Variants in MSH3 observed in about 807,000 individuals in gnomAD.
MSH3 encodes the protein mutS homolog 3.
In MSH3, 106 loss-of-function variants were observed where a neutral mutation model predicts 123.3. The observed-to-expected ratio is 0.86, with a 90% CI of 0.73 to 1.01. MSH3 has a LOEUF of 1.01. Among genes scored for constraint, MSH3 ranks in the 50% least tolerant of loss-of-function variants. MSH3 has a pLI of 0.00. For synonymous variants in MSH3, 515 were observed against 481.4 expected (o/e 1.07, Z -0.91); for missense variants, 1,459 against 1,347.6 (o/e 1.08, Z -1.29).
intron 8 of MSH3, among the ~76,000 whole-genome samples, chr5:80,712,644 A>G (rs1750882045): frequency 6.6e-6 from 1 of 152,026 alleles, no homozygotes; most frequent in South Asian, 2.1e-4. Flanking sequence ...TTCTTTTAAT[A>G]GGTGAATTTA....
chr5:80,668,832 A>G (rs1749629870), intron 3 of MSH3, among the ~76,000 whole-genome samples: 1 of 152,154 alleles, frequency 6.6e-6, no homozygotes, highest in Admixed American at 6.5e-5. Flanking sequence ...GTTTGCAGCC[A>G]CAACTGGGCA....
chr5:80,828,675 A>C (rs913843968), intron 20 of MSH3, among the ~76,000 whole-genome samples: 2 of 152,236 alleles, frequency 1.3e-5, no homozygotes, highest in Non-Finnish European at 2.9e-5. Flanking sequence ...ATGGTGGGAC[A>C]GGTGTAAGAC....
chr5:80,789,893 T>C (rs1328976269), intron 18 of MSH3, among the ~76,000 whole-genome samples: 1 of 152,118 alleles, frequency 6.6e-6, no homozygotes, highest in African/African-American at 2.4e-5. Context: ...GATGAAAAGA[T>C]GTTCAATCTT....
At chr5:80,840,365 T>C (rs1291287219) in intron 20 of MSH3, among the ~76,000 whole-genome samples, 1 of 152,202 alleles carries the variant, frequency 6.6e-6, no homozygotes, top group Admixed American at 6.5e-5. Context: ...TCCAGCTTTT[T>C]TCACTTCTTC....
At chr5:80,857,755 A>G (rs966608763) in intron 21 of MSH3, among the ~76,000 whole-genome samples, 2 of 152,156 alleles carry the variant, frequency 1.3e-5, no homozygotes, top group Non-Finnish European at 1.5e-5. Context: ...CATTTCTGAT[A>G]TTAGCCATTT....
intron 12 of MSH3, among the ~76,000 whole-genome samples, chr5:80,746,156 A>G (rs920237960): frequency 2.0e-5 from 3 of 152,202 alleles, no homozygotes; most frequent in Non-Finnish European, 4.4e-5. Context: ...TACTATGAGA[A>G]ACTCAGCCAT....
intron 7 of MSH3, among the ~76,000 whole-genome samples, chr5:80,677,996 C>T (rs954157094): frequency 1.3e-5 from 2 of 152,084 alleles, no homozygotes; most frequent in Non-Finnish European, 2.9e-5. Flanking sequence ...CAGAGTATAT[C>T]CTTGGGGGAG....
Position 80,797,262 on chromosome 5 carries a change from G to T in MSH3, c.2655+4418G>T, listed in dbSNP as rs576003971. Among the ~76,000 whole-genome samples the T allele has an allele frequency of 4.6e-5, 7 of 152,068 alleles. No homozygotes were observed. The South Asian group carries it at 1.5e-3, about 32-fold the overall frequency. ...AATTATAATCATTCTTTTTTTATCT[G>T]CCTTTCCCAGTGGACTGTAAGCATG... On this transcript the variant is annotated intron_variant, in intron 19 of 23. Transcript: ENST00000265081.
rs573087291 is a variant in MSH3 at position 80,762,778 on chromosome 5, TTTTTA to T, written c.1896+1112_1896+1116del. On this transcript the variant is annotated intron_variant, in intron 13 of 23. Coordinates refer to ENST00000265081, the MANE Select transcript of MSH3 (RefSeq NM_002439.5). ...TTGTTTTATTTTATTTTATTTTAATTTTTTATTTTATTTTATGTTATGTTATGTTA... is the reference window on the plus strand; with the variant it reads ...TTGTTTTATTTTATTTTATTTTAATTTTTTATTTTATGTTATGTTATGTTA... Among the ~76,000 whole-genome samples, 652 of 128,006 alleles carry T rather than the reference TTTTTA, an allele frequency of 5.1e-3. 2 individuals are homozygous for T. Among genetic ancestry groups the T allele is most frequent in the African/African-American group, 0.018 (601 of 32,846 alleles). The allele number at this position is 128,006 out of a possible 152,430, so 84.0% of individuals were successfully genotyped here. A position where few individuals can be genotyped will look rare whatever the true frequency, so the allele number is the denominator to read the frequency against.
intron 13 of MSH3, among the ~76,000 whole-genome samples, chr5:80,762,205 G>A (rs1028996492): frequency 2.0e-5 from 3 of 151,576 alleles, no homozygotes; most frequent in South Asian, 2.1e-4. Context: ...CATTTTCCAC[G>A]GTTAGGGAAA....
chr5:80,703,021 C>T (rs1313276343), intron 8 of MSH3, among the ~76,000 whole-genome samples: 1 of 152,122 alleles, frequency 6.6e-6, no homozygotes, highest in Non-Finnish European at 1.5e-5. Flanking sequence ...AGCAACAAAA[C>T]AAAAATAAAA....
At chr5:80,755,406 A>G (rs1055954331) in intron 12 of MSH3, among the ~76,000 whole-genome samples, 2 of 152,168 alleles carry the variant, frequency 1.3e-5, no homozygotes, top group Admixed American at 6.6e-5. Flanking sequence ...GAATGAGGAG[A>G]AGGAAATAAA....
chr5:80,729,444 GTGTGTGTGTGTGTGTGTATA>G (rs1283489827), intron 10 of MSH3, among the ~76,000 whole-genome samples: 3 of 104,262 alleles, frequency 2.9e-5, no homozygotes, highest in African/African-American at 1.1e-4. Flanking sequence ...GTGTGTGTGT[GTGTGTGTGTGTGTGTGTATA>G]TATATATATA....
intron 2 of MSH3, among the ~76,000 whole-genome samples, chr5:80,660,525 C>A (rs977056765): frequency 2.6e-5 from 4 of 151,944 alleles, no homozygotes. Context: ...GGAAAAGATT[C>A]AAAAATATAT....
chr5:80,838,623 A>G (rs1179150917), intron 20 of MSH3, among the ~76,000 whole-genome samples: 3 of 152,154 alleles, frequency 2.0e-5, no homozygotes, highest in Admixed American at 6.6e-5. Flanking sequence ...ACTTTTTGCT[A>G]TATCATTGTG....
intron 8 of MSH3, chr5:80,715,064 A>G (rs1238436539): frequency 3.3e-5 from 5 of 152,144 alleles, no homozygotes; most frequent in Non-Finnish European, 7.3e-5. Context: ...CTTGGTTTGA[A>G]TATCTGTTAA....
At position 80,792,775 on chromosome 5, in the gene MSH3, A is replaced by G. The variant is rs1744630430; in HGVS notation, c.2586A>G (p.Gly862=). Residue 862 remains glycine, a synonymous_variant, in exon 19 of 24, where the codon GGA becomes GGG. Transcript: ENST00000265081. ...QEERKIVIKN[G]RHPVIDVLLG... ...AAAGAAAAATTGTAATAAAAAATGG[A>G]AGGCACCCTGTGATTGATGTGTTGC... 1 of 1,613,442 alleles carries G rather than the reference A, an allele frequency of 6.2e-7. No homozygotes were observed. The highest frequency in any genetic ancestry group is 8.5e-7 in the Non-Finnish European group (1 of 1,179,528).
At chr5:80,821,253 GTATC>G (rs1349316326) in intron 20 of MSH3, among the ~76,000 whole-genome samples, 4 of 152,040 alleles carry the variant, frequency 2.6e-5, no homozygotes, top group Non-Finnish European at 4.4e-5. Flanking sequence ...TCTTATTTCA[GTATC>G]TATCTTAGTT....
chr5:80,686,414 T>A (rs978761202), intron 8 of MSH3, among the ~76,000 whole-genome samples: 2 of 151,096 alleles, frequency 1.3e-5, no homozygotes, highest in Non-Finnish European at 3.0e-5. Flanking sequence ...GCGATTCTCG[T>A]GCCTCAGCCT....
Sources: gnomAD v4.1 joint callset for allele counts (sites outside exome capture counted in the v4.1 genomes callset) on GRCh38, gnomAD v4.1.1 for gene constraint, MANE v1.5 for transcripts, NCBI Gene and HGNC (gene_info 2026-07-23, HGNC 2026-07-21) for gene names.